The following CCDC77 variants were observed in gnomAD, a reference collection of about 807,000 sequenced individuals.
CCDC77 encodes the protein coiled-coil domain containing 77.
In CCDC77, 56 loss-of-function variants were observed where a neutral mutation model predicts 66.8. The ratio of observed to expected loss-of-function variants is 0.84; its 90% confidence interval spans 0.68 to 1.05. The LOEUF (loss-of-function observed/expected upper bound fraction) is 1.05. CCDC77 is among the 50% of genes least tolerant of loss of function. The pLI is 0.00. For missense variants in CCDC77, 570 were observed against 576.8 expected (o/e 0.99, Z 0.12); for synonymous variants, 196 against 195.2 (o/e 1.00, Z -0.03).
At chr12:404,270 C>T (rs1944952251) in intron 1 of CCDC77, among the ~76,000 whole-genome samples, 1 of 152,194 alleles carries the variant, frequency 6.6e-6, no homozygotes, top group Non-Finnish European at 1.5e-5. Flanking sequence ...GAGCCAAGAT[C>T]GTGCCACTGC....
intron 4 of CCDC77, among the ~76,000 whole-genome samples, chr12:416,501 G>A (rs1408952163): frequency 2.1e-5 from 3 of 142,620 alleles, no homozygotes; most frequent in African/African-American, 7.8e-5. Context: ...TGCAACCTCC[G>A]CTTCCTGGGT....
At chr12:415,499 A>G (rs1157145499) in intron 4 of CCDC77, among the ~76,000 whole-genome samples, 1 of 147,894 alleles carries the variant, frequency 6.8e-6, no homozygotes, top group Non-Finnish European at 1.5e-5. Flanking sequence ...TAACATAATT[A>G]TTAACATAAT....
rs1235754699 is a variant in CCDC77, at chr12:442,504, C to G, written c.*584C>G. On this transcript the variant is annotated 3_prime_UTR_variant, in exon 13 of 13. Coordinates refer to ENST00000239830, the MANE Select transcript of CCDC77 (RefSeq NM_032358.4). ...AACGAAATGTCCATCTGGAAAGATT[C>G]GGGAGACACTTTGCCGAGGGGATGA... 1 of 152,136 alleles carries G rather than the reference C, an allele frequency of 6.6e-6. No homozygotes were observed. 9.4% of individuals were successfully genotyped at this position (152,136 alleles called of 1,614,324 possible). A position where few individuals can be genotyped will look rare whatever the true frequency, so the allele number is the denominator to read the frequency against.
intron 4 of CCDC77, among the ~76,000 whole-genome samples, chr12:416,381 A>ATATG (rs1565569207): frequency 4.4e-4 from 9 of 20,546 alleles, no homozygotes; most frequent in East Asian, 9.8e-4. Flanking sequence ...GTGTGTGTAT[A>ATATG]TATATATATA....
rs778807574 is a variant in CCDC77 at position 430,709 on chromosome 12, C to G, written c.556C>G (p.Gln186Glu). Residue 186 changes from glutamine to glutamate, a missense_variant, in exon 7 of 13, where the codon CAG (glutamine) becomes GAG (glutamate). Coordinates refer to ENST00000239830, the MANE Select transcript of CCDC77 (RefSeq NM_032358.4). ...TATCCAGGCTGTAGGTGAATGTGAGCAGAGTGAATCTTCAGCTTTCAAAGC... is the reference window on the plus strand; with the variant it reads ...TATCCAGGCTGTAGGTGAATGTGAGGAGAGTGAATCTTCAGCTTTCAAAGC... ...KTIQAVGECE[Q>E]SESSAFKADP... The G allele has an allele frequency of 1.2e-6, 2 of 1,613,660 alleles. No individual in the cohort carries two copies. Among genetic ancestry groups the G allele is most frequent in the Admixed American group, 3.3e-5 (2 of 60,008 alleles).
At chr12:431,349 G>C (rs1945648589) in intron 7 of CCDC77, among the ~76,000 whole-genome samples, 1 of 151,692 alleles carries the variant, frequency 6.6e-6, no homozygotes, top group African/African-American at 2.4e-5. Context: ...CTCCTGAGTA[G>C]CTAGGACGAC....
chr12:414,897 T>C (rs1476968591), intron 4 of CCDC77, among the ~76,000 whole-genome samples: 1 of 152,220 alleles, frequency 6.6e-6, no homozygotes, highest in East Asian at 1.9e-4. Flanking sequence ...GCCTCTGGCC[T>C]CTTACATCCC....
chr12:418,686 C>G (rs772356279), intron 5 of CCDC77, 50 bp downstream of exon 5: 2 of 1,474,958 alleles, frequency 1.4e-6, no homozygotes, highest in Non-Finnish European at 1.9e-6. Flanking sequence ...AAATTACATT[C>G]ATTCATTCAT....
chr12:409,493 T>G, intron 3 of CCDC77, 72 bp downstream of exon 3: 2 of 1,356,852 alleles, frequency 1.5e-6, no homozygotes, highest in Non-Finnish European at 1.1e-6. Context: ...GCATAGGAAC[T>G]GGAAAGGTAT....
At chr12:407,782 A>ATTTTTTTTTTTT (rs386375348) in intron 2 of CCDC77, among the ~76,000 whole-genome samples, 1 of 100,436 alleles carries the variant, frequency 1.0e-5, no homozygotes, top group Non-Finnish European at 1.8e-5. Context: ...AGGACTGAAG[A>ATTTTTTTTTTTT]TTTTTTTTTT....
chr12:397,683 G>A (rs918094360), upstream of CCDC77, among the ~76,000 whole-genome samples: 2 of 151,342 alleles, frequency 1.3e-5, no homozygotes, highest in Admixed American at 6.6e-5. Context: ...GTCTTGCTCT[G>A]TCACCCAGGC....
chr12:409,588 C>A, intron 3 of CCDC77, 167 bp downstream of exon 3: 2 of 634,676 alleles, frequency 3.2e-6, no homozygotes, highest in Non-Finnish European at 5.5e-6. Context: ...GCAATCATTG[C>A]TCATTGCAGC....
At chr12:419,081 A>C (rs1945342783) in intron 5 of CCDC77, among the ~76,000 whole-genome samples, 1 of 152,170 alleles carries the variant, frequency 6.6e-6, no homozygotes, top group African/African-American at 2.4e-5. Flanking sequence ...TCTGAGATGG[A>C]GATTTGCCTT....
chr12:438,785 C>T (rs1447231385), intron 10 of CCDC77, among the ~76,000 whole-genome samples: 1 of 152,018 alleles, frequency 6.6e-6, no homozygotes, highest in African/African-American at 2.4e-5. Flanking sequence ...TATTGTACTC[C>T]TGGCCGGGCA....
At chr12:415,700 A>G (rs1945242010) in intron 4 of CCDC77, among the ~76,000 whole-genome samples, 1 of 151,470 alleles carries the variant, frequency 6.6e-6, no homozygotes, top group Non-Finnish European at 1.5e-5. Context: ...TGGTGCGATC[A>G]TAGCTCACTG....
intron 4 of CCDC77, among the ~76,000 whole-genome samples, chr12:417,534 G>T (rs545373193): frequency 6.6e-6 from 1 of 152,070 alleles, no homozygotes; most frequent in Admixed American, 6.6e-5. Flanking sequence ...ATGAAATTCC[G>T]TAGCTCTGTA....
intron 3 of CCDC77, chr12:409,820 T>C (rs11062813): frequency 0.84 from 125,948 of 149,728 alleles, 53,326 homozygotes; most frequent in African/African-American, 0.92. Flanking sequence ...ATGGTGAAAC[T>C]CCGTCTCTAC....
intron 4 of CCDC77, among the ~76,000 whole-genome samples, chr12:414,079 T>C (rs1386567492): frequency 1.3e-5 from 2 of 151,244 alleles, no homozygotes; most frequent in East Asian, 3.9e-4. Flanking sequence ...TAAAATTTTC[T>C]TCCTTTCTTG....
intron 8 of CCDC77, among the ~76,000 whole-genome samples, chr12:432,813 G>T (rs1324597328): frequency 6.6e-6 from 1 of 152,232 alleles, no homozygotes; most frequent in East Asian, 1.9e-4. Flanking sequence ...AAGGCGAGTT[G>T]ATTGCTGGAG....
Sources: allele counts gnomAD v4.1 joint callset (sites outside exome capture counted in the v4.1 genomes callset), GRCh38; gene constraint gnomAD v4.1.1; transcripts MANE v1.5; gene names NCBI Gene and HGNC (gene_info 2026-07-23, HGNC 2026-07-21).